TSPAN14: variants seen among roughly 807,000 people sequenced by gnomAD.
TSPAN14 encodes tetraspanin-14.
A neutral mutation model predicts 36.6 loss-of-function variants in TSPAN14; 16 were observed. That is an observed-to-expected ratio of 0.44 (90% CI 0.30 to 0.66). The LOEUF is 0.66. TSPAN14 is among the 30% of genes least tolerant of loss of function. TSPAN14 has a pLI of 0.12. For missense variants in TSPAN14, 231 were observed against 355.1 expected (o/e 0.65, Z 2.81); for synonymous variants, 139 against 143.8 (o/e 0.97, Z 0.24).
chr10:80,469,130 G>T (rs1846399485), intron 1 of TSPAN14, among the ~76,000 whole-genome samples: 1 of 151,128 alleles, frequency 6.6e-6, no homozygotes, highest in South Asian at 2.1e-4. Flanking sequence ...CCCTGCTGGT[G>T]AGGTTATCTT....
chr10:80,511,804 C>G (rs1052446808), intron 5 of TSPAN14, among the ~76,000 whole-genome samples: 3 of 141,436 alleles, frequency 2.1e-5, no homozygotes, highest in Admixed American at 7.4e-5. Flanking sequence ...TTCTCTTTCT[C>G]TCTCTCTTTC....
At chr10:80,502,732 C>G (rs931302875) in intron 2 of TSPAN14, among the ~76,000 whole-genome samples, 4 of 151,998 alleles carry the variant, frequency 2.6e-5, no homozygotes, top group Non-Finnish European at 4.4e-5. Flanking sequence ...CTTAGGAGGA[C>G]AAGTAAAGTA....
chr10:80,504,094 C>T (rs1241671204), intron 2 of TSPAN14, among the ~76,000 whole-genome samples: 2 of 152,206 alleles, frequency 1.3e-5, no homozygotes, highest in Non-Finnish European at 2.9e-5. Flanking sequence ...TATTTTCATT[C>T]TCTAGCTAAA....
At chr10:80,477,107 A>C (rs541766850) in intron 1 of TSPAN14, among the ~76,000 whole-genome samples, 1 of 152,326 alleles carries the variant, frequency 6.6e-6, no homozygotes, top group Admixed American at 6.5e-5. Flanking sequence ...CAGATCCAGC[A>C]ACAGTGCATC....
At chr10:80,514,250 C>T (rs1157062221) in intron 7 of TSPAN14, among the ~76,000 whole-genome samples, 187 bp downstream of exon 7, 1 of 152,342 alleles carries the variant, frequency 6.6e-6, no homozygotes, top group Admixed American at 6.5e-5. Flanking sequence ...GGCAGGACTC[C>T]TGGGAGCAGT....
At chr10:80,460,750 G>T (rs577360262) in intron 1 of TSPAN14, among the ~76,000 whole-genome samples, 1 of 152,086 alleles carries the variant, frequency 6.6e-6, no homozygotes, top group Non-Finnish European at 1.5e-5. Context: ...CCAGGAAATC[G>T]CATGGACCTG....
At chr10:80,474,935 A>C (rs1846771904) in intron 1 of TSPAN14, among the ~76,000 whole-genome samples, 1 of 152,180 alleles carries the variant, frequency 6.6e-6, no homozygotes, top group Non-Finnish European at 1.5e-5. Context: ...GATCTTAGTG[A>C]AATGCAGATT....
intron 2 of TSPAN14, among the ~76,000 whole-genome samples, chr10:80,502,683 C>T (rs533970778): frequency 2.6e-5 from 4 of 151,898 alleles, no homozygotes; most frequent in East Asian, 1.9e-4. Flanking sequence ...ACCAAGGCTG[C>T]GTAGTGGGGC....
chr10:80,494,571 T>C (rs1848090482), intron 2 of TSPAN14, among the ~76,000 whole-genome samples: 1 of 152,192 alleles, frequency 6.6e-6, no homozygotes, highest in Non-Finnish European at 1.5e-5. Context: ...ACTTTTATTA[T>C]GCTCCTCTTT....
intron 1 of TSPAN14, among the ~76,000 whole-genome samples, chr10:80,474,945 T>A (rs1441985252): frequency 6.6e-6 from 1 of 152,124 alleles, no homozygotes; most frequent in Non-Finnish European, 1.5e-5. Flanking sequence ...AAATGCAGAT[T>A]GAAGGGAATT....
intron 1 of TSPAN14, chr10:80,485,669 G>A (rs962765768): frequency 7.1e-6 from 7 of 985,440 alleles, no homozygotes; most frequent in African/African-American, 1.7e-5. Flanking sequence ...TTTCCAACCC[G>A]CTGGCCAACA....
chr10:80,475,845 A>G (rs1846843835), intron 1 of TSPAN14, among the ~76,000 whole-genome samples: 2 of 152,122 alleles, frequency 1.3e-5, no homozygotes, highest in South Asian at 4.1e-4. Context: ...TCGGCCTCCC[A>G]GAGTGCTGGG....
At chr10:80,454,648 C>CA (rs1845648965) in intron 1 of TSPAN14, among the ~76,000 whole-genome samples, 7 of 152,200 alleles carry the variant, frequency 4.6e-5, no homozygotes, top group Non-Finnish European at 8.8e-5. Context: ...CCGGGGCCGG[C>CA]ACTCCTGGTT....
chr10:80,469,503 C>T (rs770925650), intron 1 of TSPAN14, among the ~76,000 whole-genome samples: 6 of 152,040 alleles, frequency 3.9e-5, no homozygotes, highest in Non-Finnish European at 7.4e-5. Context: ...AGCTTGCTTC[C>T]CTGGGAATGA....
intron 2 of TSPAN14, among the ~76,000 whole-genome samples, chr10:80,499,797 T>A (rs929791018): frequency 6.6e-6 from 1 of 152,228 alleles, no homozygotes; most frequent in African/African-American, 2.4e-5. Context: ...CTATTCACAG[T>A]GACCATAGCA....
chr10:80,517,359 A>G lies in TSPAN14; in HGVS notation c.742-546A>G, dbSNP rs188578984. ...GGAAAAAAAGCCATTTCCAGAGGTC[A>G]CCAAGTTCGTGTTCATCTGTTCACG... is the stretch of plus-strand genomic sequence containing the variant. On this transcript the variant is annotated intron_variant, in intron 8 of 8. Transcript: ENST00000429989. Among the ~76,000 whole-genome samples, 261 of 152,346 alleles carry G rather than the reference A, an allele frequency of 1.7e-3. 2 individuals are homozygous for G. The highest frequency in any genetic ancestry group is 2.9e-3 in the Admixed American group (45 of 15,308).
intron 4 of TSPAN14, among the ~76,000 whole-genome samples, chr10:80,507,660 A>C (rs558732933): frequency 1.0e-3 from 154 of 152,370 alleles, no homozygotes; most frequent in African/African-American, 3.6e-3. Context: ...TTCCTTCAGA[A>C]ATTCTAAAAG....
intron 1 of TSPAN14, among the ~76,000 whole-genome samples, chr10:80,477,934 C>A (rs982146243): frequency 6.6e-6 from 1 of 152,050 alleles, no homozygotes; most frequent in African/African-American, 2.4e-5. Context: ...ATGCTGACAA[C>A]AGGGATTTCC....
exon 3 of TSPAN14, chr10:80,504,745 C>G: frequency 6.2e-7 from 1 of 1,614,166 alleles, no homozygotes; most frequent in East Asian, 2.2e-5. Context: ...GAGTTGTCTT[C>G]CTTGGAGTCG....
Sources: gnomAD v4.1 joint callset for allele counts (sites outside exome capture counted in the v4.1 genomes callset) on GRCh38, gnomAD v4.1.1 for gene constraint, MANE v1.5 for transcripts, NCBI Gene and HGNC (gene_info 2026-07-23, HGNC 2026-07-21) for gene names.